Variants in MGAM observed in about 807,000 individuals in gnomAD.
MGAM encodes the protein maltase-glucoamylase.
MGAM carries 253 observed loss-of-function variants against 358.8 expected under a neutral mutation model. The ratio of observed to expected loss-of-function variants is 0.71; its 90% CI spans 0.64 to 0.78. The LOEUF is 0.78. Ranked by LOEUF, MGAM falls within the 30% of genes least tolerant of loss-of-function variation. MGAM has a pLI of 0.00. For synonymous variants in MGAM, 1,105 were observed against 1,227.1 expected (o/e 0.90, Z 2.08); for missense variants, 3,080 against 3,432.6 (o/e 0.90, Z 2.57).
chr7:142,078,144 T>A (rs1262891361), intron 47 of MGAM, among the ~76,000 whole-genome samples, 174 bp from the exon 48 acceptor site: 2 of 145,998 alleles, frequency 1.4e-5, no homozygotes, highest in Non-Finnish European at 1.6e-5. Flanking sequence ...CTAAATAGAT[T>A]CCCCCACTGT....
rs1195017588 is a variant in MGAM at position 142,030,344 on chromosome 7, C to T, written c.1222-18C>T. The stretch of plus-strand genomic sequence containing the variant: ...GAAATTCCTAGGTGCTAATTGTGGA[C>T]TTTGTATATTCTTTCAGGATGTTCA... On this transcript the variant is annotated intron_variant, in intron 10 of 70. Coordinates refer to ENST00000475668, the MANE Select transcript of MGAM (RefSeq NM_001365693.1). The T allele has an allele frequency of 6.2e-7, 1 of 1,610,018 alleles. No individual in the cohort carries two copies.
In MGAM at chr7:142,060,311, G is replaced by A. The variant is rs1254914799; in HGVS notation, c.4060G>A (p.Val1354Ile). The A allele has an allele frequency of 6.2e-7, 1 of 1,613,976 alleles. No individual in the cohort carries two copies. The highest frequency in any genetic ancestry group is 8.5e-7 in the Non-Finnish European group (1 of 1,179,804). Reference protein sequence around the residue: ...PNDGDIVWGKVWPDFPDVVVN... With the variant: ...PNDGDIVWGKIWPDFPDVVVN... ...CTACTGAACGTATTTCTCTCCATAG[G>A]TCTGGCCTGATTTTCCTGATGTTGT... is the stretch of plus-strand genomic sequence containing the variant. The change falls in exon 34 of 71, where the codon GTC (valine) becomes ATC (isoleucine). Residue 1354 changes from valine to isoleucine, a missense_variant and splice_region_variant. Coordinates refer to ENST00000475668, the MANE Select transcript of MGAM (RefSeq NM_001365693.1).
At position 142,052,784 on chromosome 7, in the gene MGAM, G is replaced by T; in HGVS notation, c.2959G>T (p.Ala987Ser). The stretch of plus-strand genomic sequence containing the variant: ...CTATGACTTTGGCCTTACTTTTCAG[G>T]CATCCAATTCTTCTGGAGTCCCTTT... Reference protein sequence around the residue: ...NCTARGCIWEASNSSGVPFCY... With the variant: ...NCTARGCIWESSNSSGVPFCY... Residue 987 changes from alanine to serine, a missense_variant and splice_region_variant, in exon 26 of 71, where the codon GCA (alanine) becomes TCA (serine). By Grantham distance (99) the Ala-to-Ser change is moderately conservative. Coordinates refer to ENST00000475668, the MANE Select transcript of MGAM (RefSeq NM_001365693.1). The T allele has an allele frequency of 1.9e-6, 3 of 1,613,700 alleles. No homozygotes were observed. The highest frequency in any genetic ancestry group is 2.5e-6 in the Non-Finnish European group (3 of 1,179,772).
At chr7:142,044,639 TA>T (rs1809779100) in intron 21 of MGAM, among the ~76,000 whole-genome samples, 1 of 84,570 alleles carries the variant, frequency 1.2e-5, no homozygotes, top group African/African-American at 3.6e-5. Flanking sequence ...TATACACGTG[TA>T]ATATATGATA....
At chr7:142,043,860 A>G (rs1338652580) in intron 21 of MGAM, among the ~76,000 whole-genome samples, 1 of 112,592 alleles carries the variant, frequency 8.9e-6, no homozygotes, top group Non-Finnish European at 1.9e-5. Flanking sequence ...CGTATAATAT[A>G]TACATTATAT....
chr7:142,101,118 G>T (rs1816403828), intron 68 of MGAM, among the ~76,000 whole-genome samples: 1 of 152,180 alleles, frequency 6.6e-6, no homozygotes, highest in Non-Finnish European at 1.5e-5. Context: ...ATCCACTATA[G>T]AAGGTAGCAA....
intron 26 of MGAM, among the ~76,000 whole-genome samples, chr7:142,053,947 G>A (rs145222400): frequency 6.6e-6 from 1 of 152,266 alleles, no homozygotes; most frequent in East Asian, 1.9e-4. Context: ...CCTCTTGACC[G>A]TAGAGTAACT....
In MGAM at chr7:142,035,581, CAG is replaced by C. The variant is rs58864948; in HGVS notation, c.1960-587_1960-586del. On this transcript the variant is annotated intron_variant, in intron 16 of 70. Coordinates refer to ENST00000475668, the MANE Select transcript of MGAM (RefSeq NM_001365693.1). The stretch of plus-strand genomic sequence containing the variant: ...GTGAGTATTTTTTCATCTGACTAAT[CAG>C]GGGGGAAGTTCATTTTAACACTGAG... Among the ~76,000 whole-genome samples, 1,586 of 152,180 alleles carry C rather than the reference CAG, an allele frequency of 0.01. 78 individuals carry two copies. In the East Asian group the frequency reaches 0.13, roughly 13 times the overall value.
intron 50 of MGAM, 140 bp from the exon 51 acceptor site, chr7:142,081,902 C>G: frequency 1.1e-6 from 1 of 890,872 alleles, no homozygotes; most frequent in Non-Finnish European, 1.7e-6. Context: ...ATATTTTAAT[C>G]AAATTGAGTT....
intron 2 of MGAM, among the ~76,000 whole-genome samples, chr7:141,989,670 T>A (rs1803861228): frequency 6.6e-6 from 1 of 152,032 alleles, no homozygotes; most frequent in South Asian, 2.1e-4. Flanking sequence ...ATCCTCTTGC[T>A]GCTGTATGGA....
intron 52 of MGAM, 50 bp downstream of exon 52, chr7:142,082,621 T>C: frequency 7.5e-7 from 1 of 1,330,048 alleles, no homozygotes; most frequent in Non-Finnish European, 1.0e-6. Context: ...CAGTCATGCC[T>C]GAGTCAGTTT....
At chr7:142,024,441 A>G (rs4725564) in intron 7 of MGAM, among the ~76,000 whole-genome samples, 64,366 of 151,224 alleles carry the variant, frequency 0.43, 15,279 homozygotes, top group East Asian at 0.66. Flanking sequence ...ATCTGCATTT[A>G]ACTAAAATGC....
Position 142,094,419 on chromosome 7 carries a change from C to T in MGAM, c.7228C>T (p.Pro2410Ser), listed in dbSNP as rs1466983994. ...RGVVITRSTFPSSGRWAGHWL... is the reference protein window; with the variant it reads ...RGVVITRSTFSSSGRWAGHWL... ...GGTCGTCATCACCCGCTCCACATTT[C>T]CCTCTTCTGGCCGCTGGGCAGGACA... Residue 2410 changes from proline (P) to serine (S), a missense_variant, in exon 61 of 71, where the codon CCC (proline) becomes TCC (serine). By Grantham distance (74) the Pro-to-Ser change is moderately conservative. Transcript: ENST00000475668. 2 of 1,535,528 alleles carry T rather than the reference C, an allele frequency of 1.3e-6. No homozygotes were observed. The highest frequency in any genetic ancestry group is 2.7e-5 in the African/African-American group (2 of 74,248).
chr7:142,033,217 G>T lies in MGAM; in HGVS notation c.1669+308G>T, dbSNP rs555865711. On this transcript the variant is annotated intron_variant, in intron 14 of 70. Transcript: ENST00000475668. Reference sequence around the variant, plus strand: ...AGTGGTAAGTTTATGTCATTCTCAGGTATGCACCCACAGGCCAGGGTTTAC... The same window carrying T: ...AGTGGTAAGTTTATGTCATTCTCAGTTATGCACCCACAGGCCAGGGTTTAC... Among the ~76,000 whole-genome samples, 10 of 152,214 alleles carry T rather than the reference G, an allele frequency of 6.6e-5. No individual in the cohort carries two copies. The South Asian group carries it at 2.1e-3, about 32-fold the overall frequency.
intron 47 of MGAM, among the ~76,000 whole-genome samples, chr7:142,077,937 C>T (rs557518884): frequency 6.9e-6 from 1 of 145,810 alleles, no homozygotes; most frequent in Admixed American, 6.9e-5. Context: ...AGAGGATCAG[C>T]TCACTTTGAG....
At chr7:142,040,049 T>G in intron 19 of MGAM, 66 bp from the exon 20 acceptor site, 3 of 1,226,290 alleles carry the variant, frequency 2.4e-6, no homozygotes, top group Non-Finnish European at 3.5e-6. Context: ...ATTAAGAAAT[T>G]CCCTAGAGAA....
rs1045958985 is a variant in MGAM, at chr7:142,040,958, G to C, written c.2498+112G>C. ...TGGTCAGCCTCTTTGGTTTGGCCAC[G>C]ACTGTTGCAGTTTTAGCACCAAAAG... On this transcript the variant is annotated intron_variant, in intron 21 of 70. Transcript: ENST00000475668. 6 of 1,300,976 alleles carry C rather than the reference G, an allele frequency of 4.6e-6. No individual in the cohort carries two copies. In the African/African-American group the frequency reaches 6.1e-5, roughly 13 times the overall value. 80.6% of individuals were successfully genotyped at this position (1,300,976 alleles called of 1,614,324 possible).
chr7:142,065,003 A>AG (rs1238173979), intron 37 of MGAM, among the ~76,000 whole-genome samples: 2 of 152,194 alleles, frequency 1.3e-5, no homozygotes, highest in African/African-American at 4.8e-5. Flanking sequence ...AATTCTTCTA[A>AG]GAGGATCTTA....
chr7:142,084,312 T>G (rs1814577704), intron 53 of MGAM, among the ~76,000 whole-genome samples: 1 of 145,896 alleles, frequency 6.9e-6, no homozygotes. Context: ...TGAAATCAGC[T>G]TTTCCATAAT....
Sources: allele counts gnomAD v4.1 joint callset (sites outside exome capture counted in the v4.1 genomes callset), GRCh38; gene constraint gnomAD v4.1.1; transcripts MANE v1.5; gene names NCBI Gene and HGNC (gene_info 2026-07-23, HGNC 2026-07-21).